The following CDH12 variants were observed in gnomAD, a reference collection of about 807,000 sequenced individuals.
CDH12 encodes the protein cadherin 12, also known as cadherin-12.
In CDH12, 41 loss-of-function variants were observed where a neutral mutation model predicts 74.1. That is an observed-to-expected ratio of 0.55 (90% CI 0.43 to 0.72). The LOEUF is 0.72. Among genes scored for constraint, CDH12 ranks in the 30% least tolerant of loss-of-function variants. The pLI, the probability that CDH12 is intolerant of heterozygous loss-of-function variation, is 0.00. For missense variants in CDH12, 945 were observed against 977.2 expected, an observed-to-expected ratio of 0.97 and a Z score of 0.44; for synonymous variants, 399 against 355.0, an observed-to-expected ratio of 1.12 and a Z score of -1.39.
intron 5 of CDH12, among the ~76,000 whole-genome samples, chr5:21,978,300 G>A (rs2150125126): frequency 6.6e-6 from 1 of 152,142 alleles, no homozygotes; most frequent in African/African-American, 2.4e-5. Flanking sequence ...ATGCCACCAT[G>A]CCAGGCTAAT....
At chr5:21,924,426 G>C (rs1406487959) in intron 6 of CDH12, among the ~76,000 whole-genome samples, 2 of 152,162 alleles carry the variant, frequency 1.3e-5, no homozygotes, top group Non-Finnish European at 2.9e-5. Context: ...TGAGGCAGGA[G>C]AATCGCCTCC....
At chr5:22,165,371 C>G (rs916311318) in intron 4 of CDH12, among the ~76,000 whole-genome samples, 2 of 152,202 alleles carry the variant, frequency 1.3e-5, no homozygotes, top group Admixed American at 1.3e-4. Flanking sequence ...TAGATACACA[C>G]AGTGACAATT....
chr5:22,550,738 A>G (rs559773807), intron 1 of CDH12, among the ~76,000 whole-genome samples: 1 of 152,318 alleles, frequency 6.6e-6, no homozygotes, highest in South Asian at 2.1e-4. Flanking sequence ...ATCCAGTTAT[A>G]ACGTTTTTCT....
At chr5:22,308,025 C>A (rs557317335) in intron 3 of CDH12, among the ~76,000 whole-genome samples, 2 of 151,228 alleles carry the variant, frequency 1.3e-5, no homozygotes, top group Admixed American at 6.6e-5. Context: ...GGACTACAGG[C>A]GCCCGCCACC....
intron 3 of CDH12, among the ~76,000 whole-genome samples, chr5:22,225,131 A>G (rs182712713): frequency 2.0e-5 from 3 of 152,198 alleles, no homozygotes; most frequent in East Asian, 1.9e-4. Flanking sequence ...AATCTTTACC[A>G]TAACGATTCG....
At chr5:22,366,590 T>G (rs563882184) in intron 3 of CDH12, among the ~76,000 whole-genome samples, 2 of 152,304 alleles carry the variant, frequency 1.3e-5, no homozygotes, top group East Asian at 3.9e-4. Flanking sequence ...TTTTGAGACT[T>G]CAGAAAATGA....
At chr5:22,102,661 C>CCAAT (rs766358947) in intron 4 of CDH12, among the ~76,000 whole-genome samples, 14 of 122,600 alleles carry the variant, frequency 1.1e-4, no homozygotes, top group Non-Finnish European at 1.5e-4. Flanking sequence ...GACTCCGTCT[C>CCAAT]CAATAAATAA....
chr5:22,185,058 T>C (rs1241494407), intron 4 of CDH12, among the ~76,000 whole-genome samples: 1 of 151,978 alleles, frequency 6.6e-6, no homozygotes, highest in Admixed American at 6.6e-5. Context: ...TATCCGTCCA[T>C]GTGTTCTCAT....
intron 4 of CDH12, among the ~76,000 whole-genome samples, chr5:22,105,448 A>G (rs1458419282): frequency 6.7e-6 from 1 of 149,482 alleles, no homozygotes; most frequent in African/African-American, 2.4e-5. Context: ...CTGTAATCCC[A>G]GCACTTTGGG....
At chr5:21,933,048 C>T (rs1212208243) in intron 6 of CDH12, among the ~76,000 whole-genome samples, 2 of 151,108 alleles carry the variant, frequency 1.3e-5, no homozygotes, top group Non-Finnish European at 2.9e-5. Flanking sequence ...CATTAGCAAG[C>T]TATCATCGAT....
intron 1 of CDH12, among the ~76,000 whole-genome samples, chr5:22,522,693 C>T (rs1354415289): frequency 3.9e-5 from 6 of 152,112 alleles, no homozygotes; most frequent in Non-Finnish European, 7.3e-5. Flanking sequence ...ATTATTTTCT[C>T]CAAAATATTA....
chr5:22,533,608 A>G (rs1737693017), intron 1 of CDH12, among the ~76,000 whole-genome samples: 1 of 152,154 alleles, frequency 6.6e-6, no homozygotes, highest in Non-Finnish European at 1.5e-5. Context: ...CATATTGACA[A>G]ACAAATAAAT....
chr5:22,135,211 A>G (rs1212250472), intron 4 of CDH12, among the ~76,000 whole-genome samples: 10 of 147,746 alleles, frequency 6.8e-5, no homozygotes, highest in Admixed American at 2.7e-4. Context: ...CACATAAGCA[A>G]AAAAAAAAAA....
intron 2 of CDH12, among the ~76,000 whole-genome samples, chr5:22,453,338 G>A (rs1181372191): frequency 6.6e-6 from 1 of 152,096 alleles, no homozygotes. Flanking sequence ...CAACCTAAGT[G>A]TTCACCAGTG....
intron 10 of CDH12, among the ~76,000 whole-genome samples, chr5:21,789,272 G>A (rs1746362825): frequency 6.6e-6 from 1 of 151,964 alleles, no homozygotes; most frequent in Non-Finnish European, 1.5e-5. Flanking sequence ...CTCCTGGTAA[G>A]ATATTATATC....
At chr5:22,108,375 T>C (rs1444610837) in intron 4 of CDH12, among the ~76,000 whole-genome samples, 1 of 152,246 alleles carries the variant, frequency 6.6e-6, no homozygotes, top group Non-Finnish European at 1.5e-5. Flanking sequence ...TGGGTATGTC[T>C]TTATCAGCAG....
At chr5:22,772,219 A>G (rs1334930070) in intron 1 of CDH12, among the ~76,000 whole-genome samples, 1 of 152,072 alleles carries the variant, frequency 6.6e-6, no homozygotes, top group Non-Finnish European at 1.5e-5. Flanking sequence ...GGAACTGGCC[A>G]TGGGAGGTTT....
intron 1 of CDH12, among the ~76,000 whole-genome samples, chr5:22,583,165 A>G (rs1360795551): frequency 6.6e-6 from 1 of 152,206 alleles, no homozygotes; most frequent in African/African-American, 2.4e-5. Context: ...TGTTCAACTT[A>G]GAAGGATTTC....
At chr5:22,413,832 T>C (rs1743266883) in intron 2 of CDH12, among the ~76,000 whole-genome samples, 1 of 152,062 alleles carries the variant, frequency 6.6e-6, no homozygotes, top group African/African-American at 2.4e-5. Flanking sequence ...AATAACTTAA[T>C]GTCACTATTT....
Sources: gnomAD v4.1 joint callset for allele counts (sites outside exome capture counted in the v4.1 genomes callset) on GRCh38, gnomAD v4.1.1 for gene constraint, MANE v1.5 for transcripts, NCBI Gene and HGNC (gene_info 2026-07-23, HGNC 2026-07-21) for gene names.